Variants in REDIC1 observed in about 807,000 individuals in gnomAD.
The protein encoded by REDIC1 is regulator of DNA class I crossover intermediates 1.
At chr12:39,745,281 A>C in the REDIC1 span, among the ~76,000 whole-genome samples, 149,226 of 152,300 alleles carry the variant, frequency 0.98, 73,118 homozygotes, top group East Asian at 1. Context: ...GAAAACAGTA[A>C]CACAATTTTC....
the REDIC1 span, among the ~76,000 whole-genome samples, chr12:39,833,271 T>C: frequency 8.6e-4 from 131 of 152,268 alleles, no homozygotes; most frequent in Middle Eastern, 3.4e-3. Flanking sequence ...AAATATTTCC[T>C]ATCTGGCCCT....
At chr12:39,713,221 T>C in the REDIC1 span, among the ~76,000 whole-genome samples, 2 of 143,386 alleles carry the variant, frequency 1.4e-5, no homozygotes, top group Non-Finnish European at 3.1e-5. Context: ...ATGTTTATAT[T>C]ACACATATAC....
the REDIC1 span, among the ~76,000 whole-genome samples, chr12:39,894,198 CT>C: frequency 6.6e-6 from 1 of 152,118 alleles, no homozygotes; most frequent in Non-Finnish European, 1.5e-5. Flanking sequence ...ACTCTGCAAA[CT>C]TTCAAGTGTC....
chr12:39,764,350 A>G, the REDIC1 span: 2 of 1,041,706 alleles, frequency 1.9e-6, no homozygotes, highest in African/African-American at 3.3e-5. Flanking sequence ...GGAGATACTT[A>G]TAACAGCAAA....
the REDIC1 span, among the ~76,000 whole-genome samples, chr12:39,773,594 C>A: frequency 2.0e-5 from 3 of 152,158 alleles, no homozygotes; most frequent in African/African-American, 7.2e-5. Context: ...TTAAGCAGTG[C>A]AAATATACAA....
the REDIC1 span, among the ~76,000 whole-genome samples, chr12:39,821,504 A>G: frequency 6.6e-6 from 1 of 152,196 alleles, no homozygotes; most frequent in African/African-American, 2.4e-5. Flanking sequence ...CAGAGTAACA[A>G]AAGAGAGCGA....
the REDIC1 span, among the ~76,000 whole-genome samples, chr12:39,629,302 G>A: frequency 6.6e-6 from 1 of 152,202 alleles, no homozygotes; most frequent in Non-Finnish European, 1.5e-5. Context: ...TCTGCATTAA[G>A]ACACTTAAAC....
chr12:39,695,891 T>G, the REDIC1 span, among the ~76,000 whole-genome samples: 1 of 152,188 alleles, frequency 6.6e-6, no homozygotes, highest in Non-Finnish European at 1.5e-5. Context: ...TAGCTTCAGA[T>G]GGCTGAGAAC....
At chr12:39,896,686 C>G in the REDIC1 span, among the ~76,000 whole-genome samples, 1 of 151,730 alleles carries the variant, frequency 6.6e-6, no homozygotes, top group Admixed American at 6.6e-5. Context: ...TAATATCCCT[C>G]GTTATCTGCA....
chr12:39,848,342 C>T, the REDIC1 span, among the ~76,000 whole-genome samples: 1 of 151,968 alleles, frequency 6.6e-6, no homozygotes, highest in Non-Finnish European at 1.5e-5. Context: ...AGAAAAACAA[C>T]CCCATTAAAA....
chr12:39,644,080 G>A, the REDIC1 span, among the ~76,000 whole-genome samples: 12 of 151,556 alleles, frequency 7.9e-5, no homozygotes, highest in African/African-American at 2.4e-4. Flanking sequence ...TGCTTAAAAC[G>A]TTTTGTTGCT....
At chr12:39,707,860 A>T in the REDIC1 span, among the ~76,000 whole-genome samples, 2 of 151,942 alleles carry the variant, frequency 1.3e-5, no homozygotes, top group South Asian at 2.1e-4. Flanking sequence ...CATTTGCAAC[A>T]ACATGGATGG....
chr12:39,811,907 T>C, the REDIC1 span, among the ~76,000 whole-genome samples: 1 of 152,218 alleles, frequency 6.6e-6, no homozygotes, highest in Non-Finnish European at 1.5e-5. Flanking sequence ...AGTTTCTGTC[T>C]TTTATTGGAG....
the REDIC1 span, among the ~76,000 whole-genome samples, chr12:39,704,236 AC>A: frequency 6.6e-6 from 1 of 152,148 alleles, no homozygotes; most frequent in Non-Finnish European, 1.5e-5. Flanking sequence ...AGAAAAAAAA[AC>A]AACCCCATCA....
chr12:39,902,710 C>T, the REDIC1 span, among the ~76,000 whole-genome samples: 1 of 151,828 alleles, frequency 6.6e-6, no homozygotes, highest in Non-Finnish European at 1.5e-5. Context: ...AAATGCGTCA[C>T]CTTCATTTAC....
the REDIC1 span, among the ~76,000 whole-genome samples, chr12:39,730,581 AC>A: frequency 3.9e-5 from 6 of 151,998 alleles, no homozygotes; most frequent in African/African-American, 1.5e-4. Flanking sequence ...CTCTCTGGCT[AC>A]CCTTAACATT....
the REDIC1 span, among the ~76,000 whole-genome samples, chr12:39,767,181 T>TG: frequency 6.6e-6 from 1 of 152,064 alleles, no homozygotes; most frequent in East Asian, 1.9e-4. Context: ...CCTTGATCCA[T>TG]GGGCTGCAGA....
At chr12:39,756,518 ACTCT>A in the REDIC1 span, 13 of 151,754 alleles carry the variant, frequency 8.6e-5, 1 homozygote, top group East Asian at 2.5e-3. Context: ...TAACATTCCA[ACTCT>A]CTCCACTGTA....
chr12:39,899,806 A>C, the REDIC1 span, among the ~76,000 whole-genome samples: 8 of 152,120 alleles, frequency 5.3e-5, no homozygotes, highest in African/African-American at 1.7e-4. Flanking sequence ...TGAGTTTCTT[A>C]ATCCTGAGCT....
Sources: gnomAD v4.1 joint callset for allele counts (sites outside exome capture counted in the v4.1 genomes callset) on GRCh38, gnomAD v4.1.1 for gene constraint, MANE v1.5 for transcripts, NCBI Gene and HGNC (gene_info 2026-07-23, HGNC 2026-07-21) for gene names.